The following UHRF2 variants were observed in gnomAD, a reference collection of about 807,000 sequenced individuals.
The protein encoded by UHRF2 is E3 ubiquitin-protein ligase UHRF2.
Under a neutral mutation model 96.8 loss-of-function variants are expected in UHRF2, and 23 were observed. The observed-to-expected ratio is 0.24, with a 90% CI of 0.17 to 0.34. The LOEUF (loss-of-function observed/expected upper bound fraction) is 0.34, where lower values mean the gene tolerates loss of function less well. Ranked by LOEUF, UHRF2 falls within the 10% of genes least tolerant of loss-of-function variation. UHRF2 has a pLI of 1.00. For synonymous variants in UHRF2, 385 were observed against 332.6 expected (o/e 1.16, Z -1.72); for missense variants, 685 against 981.5 (o/e 0.70, Z 4.04).
chr9:6,452,552 G>T (rs1423110277), intron 3 of UHRF2, among the ~76,000 whole-genome samples: 1 of 152,210 alleles, frequency 6.6e-6, no homozygotes, highest in Non-Finnish European at 1.5e-5. Context: ...TAAAGATGGG[G>T]AAGTGTGTTG....
Position 6,413,406 on chromosome 9 carries a change from AGGGAAAGCG to A in UHRF2, c.-83_-75del. 8.0e-7 allele frequency: 1 copy of A among 1,254,718 alleles called. No individual in the cohort carries two copies. The highest frequency in any genetic ancestry group is 3.1e-5 in the South Asian group (1 of 31,954). 77.7% of individuals were successfully genotyped at this position (1,254,718 alleles called of 1,614,324 possible). A position where few individuals can be genotyped will look rare whatever the true frequency, so the allele number is the denominator to read the frequency against. On this transcript the variant is annotated 5_prime_UTR_variant, in exon 1 of 16. Coordinates refer to ENST00000276893, the MANE Select transcript of UHRF2 (RefSeq NM_152896.3). ...GCCTGCCGCTGAGGGCCCGAGCCGC[AGGGAAAGCG>A]GCGCGGGCCGGGCGGGGCGCGGCGC...
chr9:6,463,002 C>T (rs1308530635), intron 4 of UHRF2, among the ~76,000 whole-genome samples: 1 of 151,994 alleles, frequency 6.6e-6, no homozygotes, highest in Admixed American at 6.6e-5. Flanking sequence ...ACTGAGTGGG[C>T]CAGGTGCCGT....
chr9:6,470,833 A>G (rs927573361), intron 4 of UHRF2, among the ~76,000 whole-genome samples: 9 of 152,212 alleles, frequency 5.9e-5, no homozygotes, highest in Admixed American at 2.6e-4. Flanking sequence ...GAAAAAATAA[A>G]TATTAGTCTA....
intron 2 of UHRF2, 36 bp downstream of exon 2, chr9:6,421,178 T>G: frequency 7.0e-7 from 1 of 1,434,558 alleles, no homozygotes; most frequent in Non-Finnish European, 9.6e-7. Context: ...GTTGTGAGAA[T>G]ACAAATAAAT....
At position 6,420,960 on chromosome 9, in the gene UHRF2, A is replaced by G. The variant is rs1331303347; in HGVS notation, c.202A>G (p.Ile68Val). 6 of 1,614,208 alleles carry G rather than the reference A, an allele frequency of 3.7e-6. No homozygotes were observed. Among genetic ancestry groups the G allele is most frequent in the Admixed American group, 1.7e-5 (1 of 60,030 alleles). ...TGATTATGATGTTGGACTGAATGAT[A>G]TAATTCAGCTGCTAGTTCGCCCAGA... ...LFDYDVGLND[I>V]IQLLVRPDPD... Residue 68 changes from isoleucine to valine, a missense_variant, in exon 2 of 16, where the codon ATA becomes GTA. Physicochemically the swap from Ile to Val is conservative, Grantham distance 29. Around this residue, in one of 6 missense-constraint regions of UHRF2, gnomAD observed 391 missense variants for 437.0 expected, o/e 0.89. Coordinates refer to ENST00000276893, the MANE Select transcript of UHRF2 (RefSeq NM_152896.3).
intron 6 of UHRF2, among the ~76,000 whole-genome samples, chr9:6,478,300 G>A (rs1409683801): frequency 6.6e-6 from 1 of 152,182 alleles, no homozygotes; most frequent in East Asian, 1.9e-4. Flanking sequence ...TTAACTTCAA[G>A]ACGATACTAA....
intron 4 of UHRF2, among the ~76,000 whole-genome samples, chr9:6,467,806 C>A (rs375221076): frequency 6.6e-6 from 1 of 151,936 alleles, no homozygotes; most frequent in East Asian, 1.9e-4. Context: ...GCCTCTGAAC[C>A]GGACTGAATC....
intron 14 of UHRF2, 32 bp downstream of exon 14, chr9:6,500,741 C>T (rs767722417): frequency 6.4e-7 from 1 of 1,551,628 alleles, no homozygotes; most frequent in South Asian, 1.2e-5. Flanking sequence ...TAATAACATT[C>T]TGATATTAAC....
At chr9:6,505,134 C>A (rs932141461) in intron 15 of UHRF2, among the ~76,000 whole-genome samples, 25 of 152,130 alleles carry the variant, frequency 1.6e-4, no homozygotes, top group African/African-American at 6.0e-4. Flanking sequence ...AGGTTTGAAT[C>A]TTGCTCTACC....
At chr9:6,503,497 G>A (rs1167766220) in intron 14 of UHRF2, among the ~76,000 whole-genome samples, 1 of 151,962 alleles carries the variant, frequency 6.6e-6, no homozygotes, top group East Asian at 1.9e-4. Flanking sequence ...ACATTAGGTG[G>A]CTCTACTTTT....
At chr9:6,429,123 C>G (rs1314205146) in intron 2 of UHRF2, among the ~76,000 whole-genome samples, 3 of 151,814 alleles carry the variant, frequency 2.0e-5, no homozygotes, top group Non-Finnish European at 4.4e-5. Flanking sequence ...CAACATCGCA[C>G]CACTGCACTC....
chr9:6,434,682 GC>G (rs762667881), intron 3 of UHRF2, among the ~76,000 whole-genome samples: 1 of 152,034 alleles, frequency 6.6e-6, no homozygotes, highest in African/African-American at 2.4e-5. Flanking sequence ...CAAGTGATCT[GC>G]CCCCCTTGGC....
At chr9:6,442,368 A>G (rs1028280197) in intron 3 of UHRF2, among the ~76,000 whole-genome samples, 9 of 152,246 alleles carry the variant, frequency 5.9e-5, no homozygotes, top group Non-Finnish European at 1.2e-4. Context: ...CCAGTGGATG[A>G]AGCAGCTCAG....
intron 3 of UHRF2, among the ~76,000 whole-genome samples, chr9:6,440,724 A>G (rs771632174): frequency 3.3e-5 from 5 of 152,192 alleles, no homozygotes; most frequent in African/African-American, 4.8e-5. Context: ...TGTATATAAA[A>G]AGCATCTGCT....
intron 5 of UHRF2, among the ~76,000 whole-genome samples, chr9:6,475,835 A>G (rs538330907): frequency 6.6e-6 from 1 of 152,258 alleles, no homozygotes; most frequent in East Asian, 1.9e-4. Flanking sequence ...AATCTGGGAA[A>G]CTGGGATATT....
At chr9:6,497,425 A>C in intron 11 of UHRF2, 65 bp downstream of exon 11, 2 of 1,576,606 alleles carry the variant, frequency 1.3e-6, no homozygotes, top group Non-Finnish European at 1.7e-6. Flanking sequence ...GGGTTGTTGC[A>C]AGGAACTACT....
intron 3 of UHRF2, among the ~76,000 whole-genome samples, chr9:6,451,800 T>TTGTTGTTGTTG (rs1244625500): frequency 1.4e-4 from 3 of 21,628 alleles, no homozygotes; most frequent in Non-Finnish European, 2.4e-4. Flanking sequence ...TGTTGTTGTT[T>TTGTTGTTGTTG]TTGAGACAGA....
intron 3 of UHRF2, among the ~76,000 whole-genome samples, chr9:6,450,361 G>C (rs1024135018): frequency 7.8e-6 from 1 of 128,320 alleles, no homozygotes; most frequent in African/African-American, 3.1e-5. Context: ...AATTTTCTCA[G>C]TCTGGATTTT....
intron 12 of UHRF2, 86 bp downstream of exon 12, chr9:6,498,244 C>T: frequency 2.1e-6 from 3 of 1,397,326 alleles, no homozygotes; most frequent in Non-Finnish European, 2.9e-6. Flanking sequence ...GGATATAACC[C>T]ACAGCAATTG....
Sources: gnomAD v4.1 joint callset for allele counts (sites outside exome capture counted in the v4.1 genomes callset) on GRCh38, gnomAD v4.1.1 for gene constraint, gnomAD v4.1.1 regional missense constraint, MANE v1.5 for transcripts, NCBI Gene and HGNC (gene_info 2026-07-23, HGNC 2026-07-21) for gene names.